The following UBE2D3 variants were observed in gnomAD, a reference collection of about 807,000 sequenced individuals.
UBE2D3 encodes ubiquitin-conjugating enzyme E2 D3.
A neutral mutation model predicts 22.8 loss-of-function variants in UBE2D3; 2 were observed. That is an observed-to-expected ratio of 0.09 (90% confidence interval 0.04 to 0.28). UBE2D3 has a LOEUF of 0.28. Among genes scored for constraint, UBE2D3 ranks in the 10% least tolerant of loss-of-function variants. UBE2D3 has a pLI of 1.00. For synonymous variants in UBE2D3, 56 were observed against 60.4 expected (o/e 0.93, Z 0.34); for missense variants, 27 against 182.5 (o/e 0.15, Z 4.91).
At chr4:102,825,369 G>A (rs895446837) in intron 2 of UBE2D3, 33 of 1,012,384 alleles carry the variant, frequency 3.3e-5, no homozygotes, top group Admixed American at 1.2e-4. Flanking sequence ...TCACAAAAAA[G>A]GGAAATACAG....
intron 1 of UBE2D3, among the ~76,000 whole-genome samples, chr4:102,863,113 C>A (rs1334726013): frequency 6.6e-6 from 1 of 151,782 alleles, no homozygotes; most frequent in Non-Finnish European, 1.5e-5. Context: ...TGCAGTGGCA[C>A]AATCTTGGCT....
At chr4:102,819,767 A>G (rs1729304055) in intron 2 of UBE2D3, among the ~76,000 whole-genome samples, 1 of 152,248 alleles carries the variant, frequency 6.6e-6, no homozygotes, top group Non-Finnish European at 1.5e-5. Context: ...GTCATCACAC[A>G]AAGGTCATAC....
intron 2 of UBE2D3, among the ~76,000 whole-genome samples, chr4:102,823,596 A>G (rs1384875764): frequency 4.6e-5 from 7 of 152,228 alleles, no homozygotes; most frequent in Non-Finnish European, 1.0e-4. Context: ...AAACACATAT[A>G]TTGTAGTCCC....
At chr4:102,841,500 C>T (rs1261870798) in intron 1 of UBE2D3, among the ~76,000 whole-genome samples, 1 of 152,136 alleles carries the variant, frequency 6.6e-6, no homozygotes, top group Non-Finnish European at 1.5e-5. Flanking sequence ...ATGGAGTCAT[C>T]TTTGTCTTTC....
At chr4:102,821,569 A>T (rs1410719790) in intron 2 of UBE2D3, among the ~76,000 whole-genome samples, 1 of 151,746 alleles carries the variant, frequency 6.6e-6, no homozygotes, top group African/African-American at 2.4e-5. Context: ...GTTTCCAGGG[A>T]AAATGATTTA....
intron 1 of UBE2D3, among the ~76,000 whole-genome samples, chr4:102,850,437 T>G (rs375164840): frequency 6.6e-6 from 1 of 152,174 alleles, no homozygotes; most frequent in African/African-American, 2.4e-5. Context: ...AAATATTTCT[T>G]CCAGTTCAGA....
intron 2 of UBE2D3, among the ~76,000 whole-genome samples, chr4:102,820,452 A>G (rs1729424190): frequency 6.6e-6 from 1 of 152,192 alleles, no homozygotes; most frequent in South Asian, 2.1e-4. Context: ...AACAGTAGGC[A>G]CTGCACAGTA....
chr4:102,863,648 C>G (rs1409524239), intron 1 of UBE2D3, among the ~76,000 whole-genome samples: 3 of 151,954 alleles, frequency 2.0e-5, no homozygotes, highest in African/African-American at 7.3e-5. Context: ...TATGTGCTAC[C>G]ACACCTGGCT....
intron 1 of UBE2D3, among the ~76,000 whole-genome samples, chr4:102,860,419 GTGTA>G (rs756070760): frequency 0.018 from 1,601 of 89,292 alleles, 34 homozygotes; most frequent in South Asian, 0.033. Context: ...GTGTGTGTGT[GTGTA>G]TGTGTGTGTG....
chr4:102,817,305 T>C (rs1560862510), intron 2 of UBE2D3, among the ~76,000 whole-genome samples: 1 of 152,164 alleles, frequency 6.6e-6, no homozygotes, highest in African/African-American at 2.4e-5. Flanking sequence ...TCACTGATGG[T>C]TTCGAAATAG....
upstream of UBE2D3, chr4:102,827,923 A>G (rs374881414): frequency 7.1e-6 from 7 of 985,524 alleles, no homozygotes; most frequent in East Asian, 7.9e-4. Context: ...CCCTCCCCAC[A>G]GCGTCCCCCA....
chr4:102,832,751 G>T (rs1186997375), intron 1 of UBE2D3, among the ~76,000 whole-genome samples: 1 of 152,128 alleles, frequency 6.6e-6, no homozygotes, highest in Non-Finnish European at 1.5e-5. Context: ...GCTTATGCCT[G>T]TAATTCCAGC....
chr4:102,804,348 G>A (rs1042033498), intron 4 of UBE2D3, among the ~76,000 whole-genome samples: 1 of 151,852 alleles, frequency 6.6e-6, no homozygotes, highest in African/African-American at 2.4e-5. Context: ...TTTTAGTAGA[G>A]ATGGGGCTTC....
At chr4:102,844,939 G>A (rs1371525105) in intron 1 of UBE2D3, among the ~76,000 whole-genome samples, 5 of 151,186 alleles carry the variant, frequency 3.3e-5, no homozygotes, top group East Asian at 1.9e-4. Flanking sequence ...GGAGAATGGC[G>A]TGAACCTGGG....
chr4:102,816,331 A>C (rs1300166121), intron 2 of UBE2D3, among the ~76,000 whole-genome samples: 1 of 152,196 alleles, frequency 6.6e-6, no homozygotes, highest in Admixed American at 6.5e-5. Context: ...AAGAGCTATA[A>C]GAATGTGACC....
upstream of UBE2D3, chr4:102,828,203 C>T (rs1730881538): frequency 2.0e-6 from 2 of 985,438 alleles, no homozygotes; most frequent in Admixed American, 6.1e-5. Flanking sequence ...CGCGCGCAGA[C>T]ACAGCCTTGT....
At chr4:102,825,543 G>T in intron 2 of UBE2D3, 1 of 1,173,800 alleles carries the variant, frequency 8.5e-7, no homozygotes, top group Non-Finnish European at 1.1e-6. Flanking sequence ...CTTAAAATGC[G>T]GGATAGAAGT....
At chr4:102,817,531 T>C (rs981856834) in intron 2 of UBE2D3, among the ~76,000 whole-genome samples, 4 of 152,120 alleles carry the variant, frequency 2.6e-5, no homozygotes, top group African/African-American at 7.2e-5. Flanking sequence ...ACTTAAAAAT[T>C]TGGACTAGGG....
chr4:102,828,521 G>C (rs1357445783), upstream of UBE2D3, among the ~76,000 whole-genome samples: 1 of 152,210 alleles, frequency 6.6e-6, no homozygotes, highest in East Asian at 1.9e-4. Flanking sequence ...CAATTGAGTG[G>C]ATGGGGCTAG....
Sources: allele counts gnomAD v4.1 joint callset (sites outside exome capture counted in the v4.1 genomes callset), GRCh38; gene constraint gnomAD v4.1.1; transcripts MANE v1.5; gene names NCBI Gene and HGNC (gene_info 2026-07-23, HGNC 2026-07-21).